MAF: variants seen among roughly 807,000 people sequenced by gnomAD.
MAF encodes the protein transcription factor Maf.
A neutral mutation model predicts 22.0 loss-of-function variants in MAF; 10 were observed. That is an observed-to-expected ratio of 0.45 (90% CI 0.28 to 0.77). MAF has a LOEUF of 0.77. Among genes scored for constraint, MAF ranks in the 30% least tolerant of loss-of-function variants. The probability of loss-of-function intolerance (pLI) is 0.12; values close to 1 mark genes in which losing one functional copy is unlikely to be tolerated. For synonymous variants in MAF, 337 were observed against 255.8 expected (o/e 1.32, Z -3.03); for missense variants, 544 against 548.4 (o/e 0.99, Z 0.08).
the MAF span, among the ~76,000 whole-genome samples, chr16:79,236,082 C>T: frequency 6.6e-6 from 1 of 152,082 alleles, no homozygotes; most frequent in African/African-American, 2.4e-5. Context: ...CTAGCTGAAC[C>T]TTGGCTGGTG....
chr16:79,411,401 C>T, the MAF span, among the ~76,000 whole-genome samples: 2 of 152,162 alleles, frequency 1.3e-5, no homozygotes, highest in Non-Finnish European at 2.9e-5. Flanking sequence ...CCATATCCAT[C>T]CCCTGAACCT....
At chr16:79,371,814 T>A in the MAF span, among the ~76,000 whole-genome samples, 1 of 152,232 alleles carries the variant, frequency 6.6e-6, no homozygotes, top group Non-Finnish European at 1.5e-5. Context: ...CTTTAGAGAT[T>A]GAAAGAATCA....
At chr16:79,580,366 C>T in the MAF span, among the ~76,000 whole-genome samples, 5 of 152,292 alleles carry the variant, frequency 3.3e-5, no homozygotes, top group East Asian at 5.8e-4. Flanking sequence ...CTAAATAACA[C>T]GGTTCCCCCA....
chr16:79,564,300 G>T, the MAF span, among the ~76,000 whole-genome samples: 1 of 152,108 alleles, frequency 6.6e-6, no homozygotes, highest in Admixed American at 6.5e-5. Context: ...CTTCTTTTTT[G>T]CATTTGTTAC....
chr16:79,535,628 C>T, the MAF span, among the ~76,000 whole-genome samples: 7 of 124,974 alleles, frequency 5.6e-5, no homozygotes, highest in African/African-American at 6.1e-5. Context: ...TTGCTCTTGT[C>T]GCCCAGGCTG....
chr16:79,506,630 G>A, the MAF span, among the ~76,000 whole-genome samples: 21 of 152,308 alleles, frequency 1.4e-4, no homozygotes, highest in Non-Finnish European at 2.9e-4. Context: ...CCCAGAGGCA[G>A]TATTTTACTT....
the MAF span, among the ~76,000 whole-genome samples, chr16:79,224,710 C>T: frequency 6.6e-6 from 1 of 152,114 alleles, no homozygotes; most frequent in African/African-American, 2.4e-5. Context: ...TTTCTATACA[C>T]CAATAATAGA....
chr16:79,251,635 T>G, the MAF span, among the ~76,000 whole-genome samples: 1 of 152,142 alleles, frequency 6.6e-6, no homozygotes, highest in Non-Finnish European at 1.5e-5. Flanking sequence ...GGGACATATT[T>G]AGGAACATTT....
chr16:79,308,542 A>G, the MAF span, among the ~76,000 whole-genome samples: 1 of 151,756 alleles, frequency 6.6e-6, no homozygotes, highest in African/African-American at 2.4e-5. Flanking sequence ...AAATGCTAGC[A>G]AAAGCCTGGG....
At chr16:79,493,310 T>A in the MAF span, among the ~76,000 whole-genome samples, 4 of 152,132 alleles carry the variant, frequency 2.6e-5, no homozygotes, top group African/African-American at 9.7e-5. Flanking sequence ...GCCTCCCGAG[T>A]AGCCGGGATT....
chr16:79,418,586 C>T, the MAF span, among the ~76,000 whole-genome samples: 28 of 152,190 alleles, frequency 1.8e-4, no homozygotes, highest in Admixed American at 5.9e-4. Flanking sequence ...TGGGGAAGGG[C>T]GGGAGGCGTG....
chr16:79,339,305 T>A, the MAF span, among the ~76,000 whole-genome samples: 1 of 152,198 alleles, frequency 6.6e-6, no homozygotes, highest in Admixed American at 6.5e-5. Context: ...ATGATCCGCC[T>A]GCCTCGGCCT....
At chr16:79,394,842 T>C in the MAF span, among the ~76,000 whole-genome samples, 1 of 152,200 alleles carries the variant, frequency 6.6e-6, no homozygotes, top group Non-Finnish European at 1.5e-5. Flanking sequence ...TGGGAACCAC[T>C]GTCATACAGT....
At chr16:79,231,125 C>G in the MAF span, among the ~76,000 whole-genome samples, 9 of 152,014 alleles carry the variant, frequency 5.9e-5, no homozygotes, top group Non-Finnish European at 4.4e-5. Context: ...GGTGGGATAG[C>G]AGGGACAGCC....
chr16:79,567,647 C>T, the MAF span, among the ~76,000 whole-genome samples: 1 of 152,192 alleles, frequency 6.6e-6, no homozygotes, highest in Non-Finnish European at 1.5e-5. Flanking sequence ...ATGGCCTCTC[C>T]CCACTGGGCT....
At chr16:79,362,622 C>G in the MAF span, among the ~76,000 whole-genome samples, 1 of 152,202 alleles carries the variant, frequency 6.6e-6, no homozygotes, top group Non-Finnish European at 1.5e-5. Context: ...ACGGAATATT[C>G]TGAAAGACTT....
At chr16:79,282,113 C>T in the MAF span, among the ~76,000 whole-genome samples, 1 of 151,984 alleles carries the variant, frequency 6.6e-6, no homozygotes, top group East Asian at 1.9e-4. Context: ...CCAGCCTGGA[C>T]AAGATGGTGA....
chr16:79,307,555 G>A, the MAF span, among the ~76,000 whole-genome samples: 2 of 152,154 alleles, frequency 1.3e-5, no homozygotes, highest in Admixed American at 6.5e-5. Flanking sequence ...CATGATGGGC[G>A]ATAAAATGAG....
chr16:79,413,763 T>C, the MAF span, among the ~76,000 whole-genome samples: 3 of 152,198 alleles, frequency 2.0e-5, no homozygotes, highest in African/African-American at 4.8e-5. Flanking sequence ...TTAGTAATAA[T>C]ATGGTCAGCA....
Sources: gnomAD v4.1 joint callset for allele counts (sites outside exome capture counted in the v4.1 genomes callset) on GRCh38, gnomAD v4.1.1 for gene constraint, MANE v1.5 for transcripts, NCBI Gene and HGNC (gene_info 2026-07-23, HGNC 2026-07-21) for gene names.